The following SMAD1 variants were observed in gnomAD, a reference collection of about 807,000 sequenced individuals.
SMAD1 encodes the protein SMAD family member 1.
SMAD1 carries 6 observed loss-of-function variants against 41.6 expected under a neutral mutation model. The ratio of observed to expected loss-of-function variants is 0.14; its 90% CI spans 0.08 to 0.28. The LOEUF (loss-of-function observed/expected upper bound fraction) is 0.28, where lower values mean the gene tolerates loss of function less well. Ranked by LOEUF, SMAD1 falls within the 10% of genes least tolerant of loss-of-function variation. SMAD1 has a pLI of 1.00. For missense variants in SMAD1, 379 were observed against 582.6 expected (o/e 0.65, Z 3.60); for synonymous variants, 206 against 203.2 (o/e 1.01, Z -0.12).
chr4:145,547,833 T>C (rs999264003), intron 5 of SMAD1, among the ~76,000 whole-genome samples: 21 of 152,238 alleles, frequency 1.4e-4, no homozygotes, highest in African/African-American at 4.6e-4. Flanking sequence ...TATGTTCTCA[T>C]GTATTACGTA....
intron 2 of SMAD1, among the ~76,000 whole-genome samples, chr4:145,532,732 G>A (rs1731385056): frequency 6.6e-6 from 1 of 152,078 alleles, no homozygotes; most frequent in African/African-American, 2.4e-5. Flanking sequence ...AAAAGTCTAC[G>A]TTCCCATATT....
At chr4:145,493,195 C>T (rs1007112691) in intron 1 of SMAD1, among the ~76,000 whole-genome samples, 3 of 152,310 alleles carry the variant, frequency 2.0e-5, no homozygotes, top group Middle Eastern at 6.8e-3. Flanking sequence ...AGACTTGTCA[C>T]TCAAACTCTT....
intron 1 of SMAD1, among the ~76,000 whole-genome samples, chr4:145,505,908 A>T (rs1315280632): frequency 6.6e-6 from 1 of 151,804 alleles, no homozygotes; most frequent in African/African-American, 2.4e-5. Context: ...GCAATGGCAC[A>T]ATCTTGGCTT....
chr4:145,553,044 C>T (rs1354607009), intron 5 of SMAD1, among the ~76,000 whole-genome samples: 1 of 151,482 alleles, frequency 6.6e-6, no homozygotes, highest in African/African-American at 2.4e-5. Flanking sequence ...ACTGGGACTA[C>T]AGGTGTGCAC....
At chr4:145,493,961 G>T (rs943561501) in intron 1 of SMAD1, among the ~76,000 whole-genome samples, 2 of 152,040 alleles carry the variant, frequency 1.3e-5, no homozygotes, top group African/African-American at 4.8e-5. Flanking sequence ...ACTTTATTCT[G>T]TATTTATTAA....
At chr4:145,521,465 G>T (rs921129609) in intron 2 of SMAD1, among the ~76,000 whole-genome samples, 2 of 152,050 alleles carry the variant, frequency 1.3e-5, no homozygotes, top group East Asian at 3.9e-4. Flanking sequence ...TAGCTTCCAG[G>T]TGCTTTCATT....
At chr4:145,508,468 A>G (rs982021560) in intron 1 of SMAD1, among the ~76,000 whole-genome samples, 4 of 152,200 alleles carry the variant, frequency 2.6e-5, no homozygotes. Context: ...AGAAAATGAT[A>G]GTATTTACTT....
chr4:145,517,706 T>C (rs1463791622), intron 2 of SMAD1, among the ~76,000 whole-genome samples: 4 of 70,316 alleles, frequency 5.7e-5, no homozygotes, highest in African/African-American at 1.3e-4. Flanking sequence ...CTTTTGACCA[T>C]CTTCTTCCCT....
chr4:145,493,762 G>A (rs1164786844), intron 1 of SMAD1, among the ~76,000 whole-genome samples: 1 of 152,116 alleles, frequency 6.6e-6, no homozygotes, highest in Non-Finnish European at 1.5e-5. Context: ...CATTCCTGCT[G>A]TGCATCCAGC....
chr4:145,507,213 A>T (rs1729836805), intron 1 of SMAD1, among the ~76,000 whole-genome samples: 1 of 151,672 alleles, frequency 6.6e-6, no homozygotes, highest in South Asian at 2.1e-4. Flanking sequence ...TTGCTTCGAA[A>T]ACCTTTTTAT....
At chr4:145,496,054 T>C (rs940622899) in intron 1 of SMAD1, among the ~76,000 whole-genome samples, 3 of 152,184 alleles carry the variant, frequency 2.0e-5, no homozygotes, top group Non-Finnish European at 4.4e-5. Context: ...TATAATGTCT[T>C]ATTCTAAGCT....
intron 2 of SMAD1, among the ~76,000 whole-genome samples, chr4:145,532,769 G>A (rs7670486): frequency 0.079 from 11,979 of 152,154 alleles, 790 homozygotes; most frequent in African/African-American, 0.16. Flanking sequence ...GGAACAGCCC[G>A]AGACATAGAA....
intron 5 of SMAD1, among the ~76,000 whole-genome samples, chr4:145,548,825 G>A (rs2126540325): frequency 6.6e-6 from 1 of 152,292 alleles, no homozygotes; most frequent in Middle Eastern, 3.4e-3. Context: ...ACTAAACAGT[G>A]GAGAAACCGT....
intron 2 of SMAD1, among the ~76,000 whole-genome samples, chr4:145,517,819 A>G (rs1337965431): frequency 7.9e-6 from 1 of 126,042 alleles, no homozygotes; most frequent in Admixed American, 7.5e-5. Context: ...TGCTAATAAA[A>G]TAATGGGGAA....
At chr4:145,520,061 C>T (rs1730658168) in intron 2 of SMAD1, among the ~76,000 whole-genome samples, 1 of 152,164 alleles carries the variant, frequency 6.6e-6, no homozygotes, top group South Asian at 2.1e-4. Context: ...ATATACCTTT[C>T]ACCTGTTAGA....
At chr4:145,483,424 A>G (rs937181667) in intron 1 of SMAD1, among the ~76,000 whole-genome samples, 2 of 152,152 alleles carry the variant, frequency 1.3e-5, no homozygotes, top group Non-Finnish European at 2.9e-5. Context: ...TTCCCTGCCC[A>G]TGTTGATTTT....
intron 1 of SMAD1, among the ~76,000 whole-genome samples, chr4:145,505,181 AATTAC>A (rs1208494883): frequency 5.3e-5 from 8 of 152,176 alleles, no homozygotes; most frequent in Admixed American, 2.6e-4. Context: ...TAGTAATGAG[AATTAC>A]ATTACAAGTC....
At chr4:145,483,217 C>G (rs1464717553) in intron 1 of SMAD1, 2 of 152,176 alleles carry the variant, frequency 1.3e-5, no homozygotes, top group Non-Finnish European at 2.9e-5. Flanking sequence ...TGCCCTCCCC[C>G]CTCTTTTCTT....
At chr4:145,548,804 A>G (rs1345722604) in intron 5 of SMAD1, among the ~76,000 whole-genome samples, 1 of 152,220 alleles carries the variant, frequency 6.6e-6, no homozygotes, top group African/African-American at 2.4e-5. Flanking sequence ...AAGGGAGAAT[A>G]AAAAGCATTA....
Sources: gnomAD v4.1 joint callset for allele counts (sites outside exome capture counted in the v4.1 genomes callset) on GRCh38, gnomAD v4.1.1 for gene constraint, MANE v1.5 for transcripts, NCBI Gene and HGNC (gene_info 2026-07-23, HGNC 2026-07-21) for gene names.